KCNJ8: variants seen among roughly 807,000 people sequenced by gnomAD.
KCNJ8 encodes the protein ATP-sensitive inward rectifier potassium channel 8.
A neutral mutation model predicts 28.2 loss-of-function variants in KCNJ8; 13 were observed. The ratio of observed to expected loss-of-function variants is 0.46; its 90% CI spans 0.30 to 0.73. KCNJ8 has a LOEUF of 0.73. Among genes scored for constraint, KCNJ8 ranks in the 30% least tolerant of loss-of-function variants. The probability of loss-of-function intolerance (pLI) is 0.07; values close to 1 mark genes in which losing one functional copy is unlikely to be tolerated. For missense variants in KCNJ8, 284 were observed against 542.6 expected (o/e 0.52, Z 4.73); for synonymous variants, 188 against 195.9 (o/e 0.96, Z 0.34).
At chr12:21,771,717 CTT>C (rs969498158) in intron 2 of KCNJ8, among the ~76,000 whole-genome samples, 1 of 151,920 alleles carries the variant, frequency 6.6e-6, no homozygotes, top group Non-Finnish European at 1.5e-5. Context: ...TCTTTTTTCT[CTT>C]TTTATCAGTA....
chr12:21,773,747 C>T lies in KCNJ8; in HGVS notation c.-70-61G>A. ...CCCACCCTATCCTCACCTCTTGGGT[C>T]CTTGTATTCAAGGATATGTCTGTAC... On this transcript the variant is annotated intron_variant, in intron 1 of 2. Coordinates refer to ENST00000240662, the MANE Select transcript of KCNJ8 (RefSeq NM_004982.4). This position sits in a 1 kb window ranked among gnomAD's most constrained non-coding sequence, Gnocchi z 4.6. 7.9e-7 allele frequency: 1 copy of T among 1,270,232 alleles called. No individual in the cohort carries two copies. 78.7% of individuals were successfully genotyped at this position (1,270,232 alleles called of 1,614,324 possible).
intron 2 of KCNJ8, among the ~76,000 whole-genome samples, chr12:21,771,146 A>C (rs1031484574): frequency 1.3e-5 from 2 of 152,234 alleles, no homozygotes; most frequent in Admixed American, 6.5e-5. Flanking sequence ...ACCCCAGAGA[A>C]GGGGTATGGA....
rs576285893 is a variant in KCNJ8, at chr12:21,772,940, G to A, written c.374+303C>T. ...TACTGAACTCAATGTGTGCGCTTTT[G>A]GAGTAAAGCACTCTGTGTAATCCTT... On this transcript the variant is annotated intron_variant, in intron 2 of 2. Coordinates refer to ENST00000240662, the MANE Select transcript of KCNJ8 (RefSeq NM_004982.4). Among the ~76,000 whole-genome samples, 29 of 152,264 alleles carry A rather than the reference G, an allele frequency of 1.9e-4. No homozygotes were observed. The South Asian group carries it at 5.6e-3, about 29-fold the overall frequency.
At position 21,771,556 on chromosome 12, in the gene KCNJ8, A is replaced by G. The variant is rs143274807; in HGVS notation, c.374+1687T>C. Among the ~76,000 whole-genome samples the G allele has an allele frequency of 3.8e-3, 576 of 152,362 alleles. 5 individuals are homozygous for G. Among genetic ancestry groups the G allele is most frequent in the Middle Eastern group, 6.8e-3 (2 of 294 alleles). ...ACATTATTTGGAAATACTGGTGAAT[A>G]TTCAATGAAAAATGTTGTTTCCAAT... On this transcript the variant is annotated intron_variant, in intron 2 of 2. Transcript: ENST00000240662.
intron 2 of KCNJ8, among the ~76,000 whole-genome samples, chr12:21,767,059 T>C (rs1354031655): frequency 6.6e-6 from 1 of 152,208 alleles, no homozygotes; most frequent in East Asian, 1.9e-4. Flanking sequence ...TGCGTATCTA[T>C]GTTTAGGAGA....
intron 2 of KCNJ8, among the ~76,000 whole-genome samples, chr12:21,770,450 C>T (rs1940731624): frequency 6.6e-6 from 1 of 152,120 alleles, no homozygotes; most frequent in South Asian, 2.1e-4. Context: ...ACCAAAACTG[C>T]AATATCTCTA....
chr12:21,770,765 T>C (rs889605269), intron 2 of KCNJ8, among the ~76,000 whole-genome samples: 2 of 152,244 alleles, frequency 1.3e-5, no homozygotes, highest in Non-Finnish European at 2.9e-5. Context: ...GGCTTCTTCA[T>C]AGAAACAATA....
At chr12:21,768,954 G>GTAC (rs533289836) in intron 2 of KCNJ8, among the ~76,000 whole-genome samples, 69 of 152,346 alleles carry the variant, frequency 4.5e-4, no homozygotes, top group Non-Finnish European at 7.6e-4. Context: ...GAAGCACCAA[G>GTAC]TACTGATGGA....
chr12:21,767,329 A>G (rs1317147665), intron 2 of KCNJ8, among the ~76,000 whole-genome samples: 62 of 17,828 alleles, frequency 3.5e-3, no homozygotes, highest in Middle Eastern at 0.036. Flanking sequence ...CCCCACCTCC[A>G]GGCCAGGGAC....
Position 21,773,499 on chromosome 12 carries a change from T to G in KCNJ8, c.118A>C (p.Ser40Arg), listed in dbSNP as rs757336109. The stretch of plus-strand genomic sequence containing the variant: ...TTATGCGCCAGGTTGCAGGCCCCGC[T>G]CTTGGCGATGAAGCGGGCTTTGGGG... ...RLPKARFIAK[S>R]GACNLAHKNI... Residue 40 changes from serine (S) to arginine (R), a missense_variant, in exon 2 of 3, where the codon AGC becomes CGC. By Grantham distance (110) the Ser-to-Arg change is moderately radical. Transcript: ENST00000240662. The surrounding 1 kb of genome is among the most constrained non-coding windows in gnomAD (Gnocchi z 4.6). The G allele has an allele frequency of 6.2e-7, 1 of 1,614,264 alleles. No homozygotes were observed. The highest frequency in any genetic ancestry group is 1.1e-5 in the South Asian group (1 of 91,084).
chr12:21,770,725 A>T (rs575447565), intron 2 of KCNJ8, among the ~76,000 whole-genome samples: 2 of 152,374 alleles, frequency 1.3e-5, no homozygotes, highest in African/African-American at 2.4e-5. Flanking sequence ...ATCAATTTAT[A>T]ACACTTAATT....
At chr12:21,767,308 ACCCCCCCCCC>A (rs757720164) in intron 2 of KCNJ8, among the ~76,000 whole-genome samples, 1 of 53,722 alleles carries the variant, frequency 1.9e-5, no homozygotes, top group Non-Finnish European at 3.4e-5. Flanking sequence ...GGGGTCCCCA[ACCCCCCCCCC>A]CCCCACCTCC....
chr12:21,767,828 G>T (rs1004687083), intron 2 of KCNJ8, among the ~76,000 whole-genome samples: 3 of 152,134 alleles, frequency 2.0e-5, no homozygotes, highest in African/African-American at 7.2e-5. Context: ...CCTTCATCCA[G>T]CCAGTCTATT....
chr12:21,773,535 G>T lies in KCNJ8; in HGVS notation c.82C>A (p.Arg28=). The change falls in exon 2 of 3, where the codon CGA becomes AGA. Residue 28 remains arginine, a synonymous_variant. Transcript: ENST00000240662. This position sits in a 1 kb window ranked among gnomAD's most constrained non-coding sequence, Gnocchi z 4.6. Reference sequence around the variant, plus strand: ...AAGCGGGCTTTGGGGAGGCGGTCTCGGATGCGCGGCTTGCGCAGGTTCTCT... The same window carrying T: ...AAGCGGGCTTTGGGGAGGCGGTCTCTGATGCGCGGCTTGCGCAGGTTCTCT... ...AAENLRKPRI[R]DRLPKARFIA... is the part of the protein sequence containing the mutation. The T allele has an allele frequency of 6.2e-7, 1 of 1,614,218 alleles. No homozygotes were observed. The highest frequency in any genetic ancestry group is 2.2e-5 in the East Asian group (1 of 44,882).
Position 21,765,928 on chromosome 12 carries a change from T to C in KCNJ8, c.1070A>G (p.Glu357Gly), listed in dbSNP as rs1591883003. The C allele has an allele frequency of 6.2e-7, 1 of 1,614,204 alleles. No individual in the cohort carries two copies. Among genetic ancestry groups the C allele is most frequent in the Non-Finnish European group, 8.5e-7 (1 of 1,180,038 alleles). Residue 357 changes from glutamate to glycine, a missense_variant, in exon 3 of 3, where the codon GAG (glutamate) becomes GGG (glycine). By Grantham distance (98) the Glu-to-Gly change is moderately conservative (BLOSUM62 -2). Coordinates refer to ENST00000240662, the MANE Select transcript of KCNJ8 (RefSeq NM_004982.4). ...KVAAPRCSAR[E>G]LDEKPSILIQ... ...AAGGATGGAAGGTTTCTCATCCAGCTCTCGGGCACTGCACCGTGGAGCAGC... is the reference window on the plus strand; with the variant it reads ...AAGGATGGAAGGTTTCTCATCCAGCCCTCGGGCACTGCACCGTGGAGCAGC...
intron 2 of KCNJ8, among the ~76,000 whole-genome samples, chr12:21,767,317 C>T (rs983328247): frequency 1.6e-5 from 2 of 126,966 alleles, no homozygotes; most frequent in East Asian, 2.4e-4. Flanking sequence ...AACCCCCCCC[C>T]CCCCCACCTC....
intron 2 of KCNJ8, among the ~76,000 whole-genome samples, chr12:21,772,796 T>C (rs1940792735): frequency 1.3e-5 from 2 of 152,214 alleles, no homozygotes; most frequent in African/African-American, 2.4e-5. Context: ...TTTTTTCTTA[T>C]TATTTCTGAA....
chr12:21,769,108 G>A (rs903208438), intron 2 of KCNJ8, among the ~76,000 whole-genome samples: 3 of 152,206 alleles, frequency 2.0e-5, no homozygotes, highest in South Asian at 4.1e-4. Flanking sequence ...CTAGATAGAA[G>A]TCAATGCTTG....
chr12:21,769,734 T>C (rs1377741241), intron 2 of KCNJ8, among the ~76,000 whole-genome samples: 1 of 152,080 alleles, frequency 6.6e-6, no homozygotes, highest in Non-Finnish European at 1.5e-5. Context: ...GTTTGAGGGG[T>C]TCAATACTTC....
Sources: allele counts gnomAD v4.1 joint callset (sites outside exome capture counted in the v4.1 genomes callset), GRCh38; gene constraint gnomAD v4.1.1; non-coding constraint Gnocchi (gnomAD v3.1); transcripts MANE v1.5; gene names NCBI Gene and HGNC (gene_info 2026-07-23, HGNC 2026-07-21).